Variants in LRRC53 observed in about 807,000 individuals in gnomAD.
LRRC53 encodes the protein leucine rich repeat containing 53.
In LRRC53, 25 loss-of-function variants were observed where a neutral mutation model predicts 13.6. The observed-to-expected ratio is 1.83, with a 90% CI of 1.34 to 2.56. The LOEUF is 2.56. LRRC53 is among the 30% of genes most tolerant of loss of function. The pLI is 0.00. For missense variants in LRRC53, 527 were observed against 275.8 expected (o/e 1.91, Z -6.45); for synonymous variants, 204 against 109.8 (o/e 1.86, Z -5.37).
At chr1:74,516,881 A>T (rs1197613088), upstream of LRRC53, among the ~76,000 whole-genome samples, 1 of 152,224 alleles carries the variant, frequency 6.6e-6, no homozygotes, top group African/African-American at 2.4e-5. Flanking sequence ...TTGCCAGTTC[A>T]CAAAAATGAT....
intron 1 of LRRC53, among the ~76,000 whole-genome samples, chr1:74,510,312 C>T (rs1413674499): frequency 2.0e-5 from 3 of 152,122 alleles, no homozygotes; most frequent in African/African-American, 7.2e-5. Flanking sequence ...CGAGACCATC[C>T]TGGCTAACAT....
intron 1 of LRRC53, among the ~76,000 whole-genome samples, chr1:74,489,511 T>C (rs1668941075): frequency 6.6e-6 from 1 of 152,184 alleles, no homozygotes. Flanking sequence ...GCTTAAAAAT[T>C]GATAAGTAAA....
chr1:74,504,789 G>A lies in LRRC53; in HGVS notation c.-27+7737C>T, dbSNP rs111762520. Among the ~76,000 whole-genome samples the A allele has an allele frequency of 3.0e-3, 451 of 152,162 alleles. 3 individuals carry two copies. The highest frequency in any genetic ancestry group is 0.01 in the African/African-American group (419 of 41,508). On this transcript the variant is annotated intron_variant, in intron 1 of 4. Transcript: ENST00000294635. ...GTGGCTATTCTGATGCTGTAATTTC[G>A]TGTTCTTTTCTATCCGTCAGCAGTG...
chr1:74,472,318 C>CT (rs753052070), intron 4 of LRRC53, 117 bp from the exon 5 acceptor site: 2 of 601,260 alleles, frequency 3.3e-6, no homozygotes, highest in Non-Finnish European at 5.9e-6. Context: ...AATTGCAGTT[C>CT]TTCACTATTT....
At chr1:74,520,694 A>G in the LRRC53 span, among the ~76,000 whole-genome samples, 1 of 152,108 alleles carries the variant, frequency 6.6e-6, no homozygotes, top group Non-Finnish European at 1.5e-5. Context: ...ACTGAGAACA[A>G]AAGAGAAGGA....
Position 74,471,308 on chromosome 1 carries a change from G to A in LRRC53, c.2314C>T (p.Gln772Ter), listed in dbSNP as rs1224271949. 2.5e-6 allele frequency: 1 copy of A among 400,540 alleles called. No individual in the cohort carries two copies. Among genetic ancestry groups the A allele is most frequent in the Non-Finnish European group, 4.4e-6 (1 of 226,146 alleles). The allele number at this position is 400,540 out of a possible 1,614,324, so 24.8% of individuals were successfully genotyped here. A position where few individuals can be genotyped will look rare whatever the true frequency, so the allele number is the denominator to read the frequency against. Residue 772 changes from glutamine (Q) to a stop codon, truncating the protein, a stop_gained, in exon 5 of 5, where the codon CAA becomes TAA. Transcript: ENST00000294635. LOFTEE classifies it low-confidence loss of function (END_TRUNC). ...INTVCSADFL[Q>*]QSESSNYVRL... is the part of the protein sequence containing the mutation. ...ACATAGTTGCTACTCTCTGACTGTTGAAGAAAATCTGCAGAACACACAGTA... is the reference window on the plus strand; with the variant it reads ...ACATAGTTGCTACTCTCTGACTGTTAAAGAAAATCTGCAGAACACACAGTA...
Position 74,483,388 on chromosome 1 carries a change from T to A in LRRC53, c.-26-13A>T. ...ACCAGCCATCCACCTGAAAGGAAAGTAGAGGGCAATGTATATCATAATGTT... is the reference window on the plus strand; with the variant it reads ...ACCAGCCATCCACCTGAAAGGAAAGAAGAGGGCAATGTATATCATAATGTT... On this transcript the variant is annotated splice_polypyrimidine_tract_variant and intron_variant, in intron 1 of 4. Transcript: ENST00000294635. 1.4e-6 allele frequency: 1 copy of A among 716,758 alleles called. No homozygotes were observed. Among genetic ancestry groups the A allele is most frequent in the Non-Finnish European group, 2.6e-6 (1 of 384,708 alleles). The allele number at this position is 716,758 out of a possible 1,614,324, so 44.4% of individuals were successfully genotyped here. A position where few individuals can be genotyped will look rare whatever the true frequency, so the allele number is the denominator to read the frequency against.
rs1271863770 is a variant in LRRC53 at position 74,475,574 on chromosome 1, C to A, written c.1141G>T (p.Glu381Ter). ...GSRKEMPLLQ[E>*]NSHQATSASE... is the part of the protein sequence containing the mutation. The stretch of plus-strand genomic sequence containing the variant: ...GCCGATGTTGCTTGATGGCTATTTT[C>A]CTGTAAAAGTGGCATTTCTTTTCTG... The change falls in exon 4 of 5, where the codon GAA (glutamate) becomes TAA (stop). Residue 381 changes from glutamate (E) to a stop codon, truncating the protein, a stop_gained. Coordinates refer to ENST00000294635, the MANE Select transcript of LRRC53 (RefSeq NM_001382280.1). LOFTEE classifies it high-confidence loss of function. The A allele has an allele frequency of 1.4e-6, 1 of 717,252 alleles. No homozygotes were observed. The highest frequency in any genetic ancestry group is 1.7e-5 in the African/African-American group (1 of 57,224). 44.4% of individuals were successfully genotyped at this position (717,252 alleles called of 1,614,324 possible). A position where few individuals can be genotyped will look rare whatever the true frequency, so the allele number is the denominator to read the frequency against.
Position 74,480,253 on chromosome 1 carries a change from G to C in LRRC53, c.804C>G (p.Asn268Lys). 1.4e-6 allele frequency: 1 copy of C among 717,548 alleles called. No individual in the cohort carries two copies. The highest frequency in any genetic ancestry group is 2.7e-5 in the East Asian group (1 of 37,290). The allele number at this position is 717,548 out of a possible 1,614,324, so 44.4% of individuals were successfully genotyped here. ...AQSVLRLSETNCDSKAPNFTL... is the reference protein window; with the variant it reads ...AQSVLRLSETKCDSKAPNFTL... ...TGAAGTTGGGAGCTTTGGAATCACA[G>C]TTGGTCTCAGACAGCCTCAGCACAC... The change falls in exon 3 of 5, where the codon AAC (asparagine) becomes AAG (lysine). Residue 268 changes from asparagine (N) to lysine (K), a missense_variant. Asn to Lys is a moderately conservative substitution (Grantham distance 94). Coordinates refer to ENST00000294635, the MANE Select transcript of LRRC53 (RefSeq NM_001382280.1).
At chr1:74,525,119 T>G in the LRRC53 span, among the ~76,000 whole-genome samples, 1 of 152,044 alleles carries the variant, frequency 6.6e-6, no homozygotes, top group Non-Finnish European at 1.5e-5. Context: ...TAACCAAGTA[T>G]TGGGGAGAGA....
chr1:74,530,838 T>C, the LRRC53 span, among the ~76,000 whole-genome samples: 6 of 152,036 alleles, frequency 3.9e-5, no homozygotes, highest in African/African-American at 1.2e-4. Flanking sequence ...TGCCTCTTAA[T>C]GGTTTGCTCA....
intron 1 of LRRC53, among the ~76,000 whole-genome samples, chr1:74,501,123 T>C (rs952107165): frequency 1.2e-4 from 19 of 152,318 alleles, no homozygotes; most frequent in Admixed American, 5.2e-4. Flanking sequence ...TTTCTCACTC[T>C]ATTTTCCACA....
chr1:74,505,766 G>A (rs554266295), intron 1 of LRRC53, among the ~76,000 whole-genome samples: 5 of 152,120 alleles, frequency 3.3e-5, no homozygotes, highest in African/African-American at 4.8e-5. Context: ...GGCAACTAAC[G>A]AAATCTGAAA....
chr1:74,530,228 C>T, the LRRC53 span, among the ~76,000 whole-genome samples: 1 of 152,134 alleles, frequency 6.6e-6, no homozygotes, highest in East Asian at 1.9e-4. Flanking sequence ...TGGCATTGTG[C>T]TTGATAAAAA....
chr1:74,481,355 A>G (rs1668491896), intron 2 of LRRC53, among the ~76,000 whole-genome samples: 1 of 152,164 alleles, frequency 6.6e-6, no homozygotes, highest in Non-Finnish European at 1.5e-5. Flanking sequence ...AGAATCAACT[A>G]AGAGCTGAGC....
At chr1:74,489,136 G>A (rs1050839108) in intron 1 of LRRC53, 6 of 1,496,294 alleles carry the variant, frequency 4.0e-6, no homozygotes, top group Non-Finnish European at 5.5e-6. Flanking sequence ...CATCCAAAGA[G>A]AGTCTCCTTC....
the LRRC53 span, among the ~76,000 whole-genome samples, chr1:74,536,386 G>C: frequency 6.6e-6 from 1 of 152,108 alleles, no homozygotes; most frequent in African/African-American, 2.4e-5. Flanking sequence ...CTAATTGGCA[G>C]ATGTTCACTA....
intron 1 of LRRC53, among the ~76,000 whole-genome samples, chr1:74,505,801 A>G (rs1220001462): frequency 6.6e-6 from 1 of 152,202 alleles, no homozygotes; most frequent in Non-Finnish European, 1.5e-5. Flanking sequence ...GGAAGAAAAT[A>G]ACTCCTGAAT....
chr1:74,496,728 T>C (rs935212523), intron 1 of LRRC53, among the ~76,000 whole-genome samples: 4 of 152,142 alleles, frequency 2.6e-5, no homozygotes, highest in South Asian at 2.1e-4. Flanking sequence ...AAATCTGAGA[T>C]TGAGAAAGGC....
Sources: gnomAD v4.1 joint callset for allele counts (sites outside exome capture counted in the v4.1 genomes callset) on GRCh38, gnomAD v4.1.1 for gene constraint, MANE v1.5 for transcripts, NCBI Gene and HGNC (gene_info 2026-07-23, HGNC 2026-07-21) for gene names.